PKHD1: variants seen among roughly 807,000 people sequenced by gnomAD.
The protein encoded by PKHD1 is fibrocystin.
A neutral mutation model predicts 412.0 loss-of-function variants in PKHD1; 291 were observed. The ratio of observed to expected loss-of-function variants is 0.71; its 90% CI spans 0.64 to 0.78. The LOEUF (loss-of-function observed/expected upper bound fraction) is 0.78, where lower values mean the gene tolerates loss of function less well. Ranked by LOEUF, PKHD1 falls within the 30% of genes least tolerant of loss-of-function variation. The pLI, the probability that PKHD1 is intolerant of heterozygous loss-of-function variation, is 0.00. For missense variants in PKHD1, 4,825 were observed against 4,950.7 expected (o/e 0.97, Z 0.76); for synonymous variants, 1,777 against 1,821.5 (o/e 0.98, Z 0.62).
chr6:52,022,693 A>C, intron 33 of PKHD1, 108 bp downstream of exon 33: 1 of 1,125,286 alleles, frequency 8.9e-7, no homozygotes, highest in Non-Finnish European at 1.3e-6. Context: ...AGGCACACAT[A>C]GAGAAATTAG....
At chr6:52,041,011 AT>A (rs1174159343) in intron 27 of PKHD1, among the ~76,000 whole-genome samples, 1 of 152,204 alleles carries the variant, frequency 6.6e-6, no homozygotes, top group Non-Finnish European at 1.5e-5. Flanking sequence ...ATATCTTGCC[AT>A]TCTCATTTGA....
At chr6:51,925,459 G>GTGTGTGTA (rs1554140299) in intron 37 of PKHD1, among the ~76,000 whole-genome samples, 4 of 136,470 alleles carry the variant, frequency 2.9e-5, no homozygotes, top group African/African-American at 1.1e-4. Flanking sequence ...GTGTGTATGT[G>GTGTGTGTA]TGTGTGTGTG....
chr6:51,997,435 A>AT (rs549085588), intron 35 of PKHD1, among the ~76,000 whole-genome samples: 97 of 152,348 alleles, frequency 6.4e-4, no homozygotes, highest in Middle Eastern at 3.4e-3. Context: ...TTCATAACAA[A>AT]TTTTTTTAAG....
intron 60 of PKHD1, chr6:51,741,080 T>C (rs961788637): frequency 5.8e-6 from 3 of 518,654 alleles, no homozygotes; most frequent in African/African-American, 5.8e-5. Context: ...CATTGAATCA[T>C]GTTTGACAGC....
intron 60 of PKHD1, among the ~76,000 whole-genome samples, chr6:51,695,710 A>C (rs964355291): frequency 1.3e-5 from 2 of 152,202 alleles, no homozygotes; most frequent in African/African-American, 4.8e-5. Context: ...TCCTTGGTTT[A>C]AAATAATAAC....
chr6:51,959,083 C>T (rs990044804), intron 36 of PKHD1, among the ~76,000 whole-genome samples: 3 of 152,040 alleles, frequency 2.0e-5, no homozygotes, highest in Non-Finnish European at 4.4e-5. Flanking sequence ...TAGCTATATT[C>T]TTATCTTAAT....
intron 35 of PKHD1, among the ~76,000 whole-genome samples, chr6:51,982,172 T>G (rs1329267622): frequency 9.9e-5 from 4 of 40,576 alleles, no homozygotes; most frequent in East Asian, 1.1e-3. Flanking sequence ...AGCCACCCCG[T>G]CCGGGAGGGA....
At chr6:52,040,267 C>A (rs903294114) in intron 27 of PKHD1, among the ~76,000 whole-genome samples, 1 of 152,072 alleles carries the variant, frequency 6.6e-6, no homozygotes, top group Non-Finnish European at 1.5e-5. Context: ...AATTATATCT[C>A]AATTTTTTAA....
At chr6:51,733,748 A>C (rs1783509636) in intron 60 of PKHD1, among the ~76,000 whole-genome samples, 1 of 152,230 alleles carries the variant, frequency 6.6e-6, no homozygotes, top group East Asian at 1.9e-4. Context: ...ATGCTGTAAT[A>C]CAGAAAGACT....
chr6:51,731,458 T>C (rs1783227964), intron 60 of PKHD1, among the ~76,000 whole-genome samples: 1 of 152,196 alleles, frequency 6.6e-6, no homozygotes, highest in Non-Finnish European at 1.5e-5. Flanking sequence ...TCAGAAAATC[T>C]TGATGCTTTG....
At chr6:51,642,362 A>G (rs1476055515) in intron 63 of PKHD1, among the ~76,000 whole-genome samples, 1 of 152,176 alleles carries the variant, frequency 6.6e-6, no homozygotes, top group East Asian at 1.9e-4. Flanking sequence ...TTAGAAATGA[A>G]GTGTGAGTAA....
At chr6:51,986,564 G>A (rs1796242642) in intron 35 of PKHD1, among the ~76,000 whole-genome samples, 2 of 152,152 alleles carry the variant, frequency 1.3e-5, no homozygotes, top group African/African-American at 4.8e-5. Context: ...TTTAAAAAGT[G>A]AAACAACTGA....
intron 19 of PKHD1, among the ~76,000 whole-genome samples, chr6:52,054,621 T>C (rs1807421568): frequency 6.6e-6 from 1 of 152,178 alleles, no homozygotes; most frequent in Admixed American, 6.5e-5. Context: ...AAGAAGACTT[T>C]AGAGCAGGAG....
chr6:51,744,247 G>A, intron 60 of PKHD1, 138 bp downstream of exon 60: 1 of 782,598 alleles, frequency 1.3e-6, no homozygotes, highest in South Asian at 1.4e-5. Flanking sequence ...AGGTGAATTG[G>A]CAGCAGATTA....
At chr6:51,863,865 T>G (rs1158169135) in intron 48 of PKHD1, among the ~76,000 whole-genome samples, 1 of 152,140 alleles carries the variant, frequency 6.6e-6, no homozygotes, top group East Asian at 1.9e-4. Context: ...TATTTATATT[T>G]TTTTACTCAA....
At position 51,939,320 on chromosome 6, in the gene PKHD1, G is replaced by A. The variant is rs573465612; in HGVS notation, c.5909-4998C>T. On this transcript the variant is annotated intron_variant, in intron 36 of 66. Transcript: ENST00000371117. ...CTCTCCGTGTCTCTACCCCTTCTCC[G>A]CTTTTCTAGGGGGCAAGAACCCGCT... Among the ~76,000 whole-genome samples, 37 of 150,584 alleles carry A rather than the reference G, an allele frequency of 2.5e-4. 1 individual carries two copies. Among genetic ancestry groups the A allele is most frequent in the South Asian group, 6.3e-4 (3 of 4,770 alleles).
chr6:52,015,125 G>A (rs1800362813), intron 34 of PKHD1, among the ~76,000 whole-genome samples: 1 of 152,072 alleles, frequency 6.6e-6, no homozygotes, highest in African/African-American at 2.4e-5. Context: ...TGAGACCTGT[G>A]ATTTTCACTT....
chr6:52,024,694 C>A lies in PKHD1; in HGVS notation c.5116G>T (p.Val1706Phe). ...TACTCCCCGGCCGGAAGGGAAGGGA[C>A]CACGCACTGAAGAACGGTGTGGTTA... ...SGNHTVLQCVVPSLPAGEYHV... is the reference protein window; with the variant it reads ...SGNHTVLQCVFPSLPAGEYHV... Residue 1706 changes from valine to phenylalanine, a missense_variant, in exon 32 of 67, where the codon GTC becomes TTC. Physicochemically the swap from Val to Phe is conservative, Grantham distance 50 (BLOSUM62 -1). Transcript: ENST00000371117. 6.2e-7 allele frequency: 1 copy of A among 1,614,196 alleles called. No individual in the cohort carries two copies. Among genetic ancestry groups the A allele is most frequent in the Admixed American group, 1.7e-5 (1 of 60,026 alleles).
chr6:52,002,429 T>C (rs1798541281), intron 35 of PKHD1, among the ~76,000 whole-genome samples: 1 of 152,230 alleles, frequency 6.6e-6, no homozygotes, highest in African/African-American at 2.4e-5. Context: ...TGTCTGCCTT[T>C]CCAGCTTCTC....
Sources: gnomAD v4.1 joint callset for allele counts (sites outside exome capture counted in the v4.1 genomes callset) on GRCh38, gnomAD v4.1.1 for gene constraint, MANE v1.5 for transcripts, NCBI Gene and HGNC (gene_info 2026-07-23, HGNC 2026-07-21) for gene names.